The following NR3C2 variants were observed in gnomAD, a reference collection of about 807,000 sequenced individuals.
NR3C2 encodes the protein nuclear receptor subfamily 3 group C member 2, also known as mineralocorticoid receptor.
NR3C2 carries 15 observed loss-of-function variants against 86.4 expected under a neutral mutation model. That is an observed-to-expected ratio of 0.17 (90% CI 0.12 to 0.27). NR3C2 has a LOEUF of 0.27. NR3C2 is among the 10% of genes least tolerant of loss of function. NR3C2 has a pLI of 1.00. For missense variants in NR3C2, 960 were observed against 1,195.6 expected (o/e 0.80, Z 2.91); for synonymous variants, 458 against 450.5 (o/e 1.02, Z -0.21).
chr4:148,143,947 C>CAA (rs67177081), intron 6 of NR3C2, among the ~76,000 whole-genome samples: 1,426 of 63,454 alleles, frequency 0.022, 66 homozygotes, highest in African/African-American at 0.051. Context: ...AACTCTGTCT[C>CAA]AAAAAAAAAA....
At chr4:148,189,672 TTTTTTAGTTACCATTTCAGTC>T in intron 4 of NR3C2, among the ~76,000 whole-genome samples, 1 of 152,128 alleles carries the variant, frequency 6.6e-6, no homozygotes. Flanking sequence ...TTGTTGACAA[TTTTTTAGTTACCATTTCAGTC>T]TTTTTAGTTA....
intron 6 of NR3C2, among the ~76,000 whole-genome samples, chr4:148,134,643 CTTTTTTTTTT>C (rs1175816621): frequency 7.4e-5 from 3 of 40,810 alleles, no homozygotes; most frequent in Non-Finnish European, 1.4e-4. Context: ...CTCTCTCTCT[CTTTTTTTTTT>C]TTTTTTTTTT....
At chr4:148,415,200 T>C (rs1047725887) in intron 2 of NR3C2, among the ~76,000 whole-genome samples, 20 of 152,296 alleles carry the variant, frequency 1.3e-4, no homozygotes, top group African/African-American at 4.6e-4. Flanking sequence ...CAAAGGATTG[T>C]CGATCTAACC....
chr4:148,140,379 G>A (rs1210817719), intron 6 of NR3C2, among the ~76,000 whole-genome samples: 2 of 152,006 alleles, frequency 1.3e-5, no homozygotes, highest in Non-Finnish European at 2.9e-5. Context: ...TAAAAAATAC[G>A]AAGAAATTAG....
At chr4:148,152,660 T>C in intron 5 of NR3C2, 47 bp from the exon 6 acceptor site, 1 of 1,593,490 alleles carries the variant, frequency 6.3e-7, no homozygotes, top group Non-Finnish European at 8.6e-7. Flanking sequence ...AGCATTTAAG[T>C]ACATTCCAGG....
At chr4:148,305,553 A>C (rs1742573243) in intron 2 of NR3C2, among the ~76,000 whole-genome samples, 1 of 151,948 alleles carries the variant, frequency 6.6e-6, no homozygotes, top group Admixed American at 6.6e-5. Flanking sequence ...AAAAAAAAAA[A>C]AAAAAATCAC....
In NR3C2 at chr4:148,225,639, GC is replaced by G. The variant is rs1405979584; in HGVS notation, c.1898-30778del. Among the ~76,000 whole-genome samples the G allele has an allele frequency of 3.3e-5, 5 of 152,048 alleles. No homozygotes were observed. The East Asian group carries it at 7.7e-4, about 23-fold the overall frequency. On this transcript the variant is annotated intron_variant, in intron 3 of 8. Coordinates refer to ENST00000358102, the MANE Select transcript of NR3C2 (RefSeq NM_000901.5). ...TTTGAATAATTTTGAAATAATTAGAGCTTTTTTGAAAAGAAAAATCTCAATA... is the reference window on the plus strand; with the variant it reads ...TTTGAATAATTTTGAAATAATTAGAGTTTTTTGAAAAGAAAAATCTCAATA...
At chr4:148,230,187 TTTTG>T (rs1285673056) in intron 3 of NR3C2, among the ~76,000 whole-genome samples, 1 of 151,966 alleles carries the variant, frequency 6.6e-6, no homozygotes, top group Non-Finnish European at 1.5e-5. Context: ...AGAACGCACT[TTTTG>T]TTTGTTTGTT....
At chr4:148,284,066 T>C (rs1266124357) in intron 2 of NR3C2, among the ~76,000 whole-genome samples, 84 of 152,284 alleles carry the variant, frequency 5.5e-4, no homozygotes, top group Non-Finnish European at 2.5e-4. Flanking sequence ...AAAGAGACAC[T>C]GCAACAGCAA....
chr4:148,277,097 A>C (rs1740997915), intron 2 of NR3C2, among the ~76,000 whole-genome samples: 1 of 152,230 alleles, frequency 6.6e-6, no homozygotes. Flanking sequence ...TTTAAAAATA[A>C]AATATTTTAC....
chr4:148,385,860 C>A (rs1747239686), intron 2 of NR3C2, among the ~76,000 whole-genome samples: 1 of 152,158 alleles, frequency 6.6e-6, no homozygotes, highest in East Asian at 1.9e-4. Flanking sequence ...TCCTTCCCAT[C>A]ATTACTCAGG....
intron 2 of NR3C2, among the ~76,000 whole-genome samples, chr4:148,347,065 C>G (rs1745033842): frequency 2.0e-5 from 3 of 152,074 alleles, no homozygotes; most frequent in African/African-American, 7.2e-5. Context: ...ACCTAAGGGT[C>G]AAATTCTGCT....
intron 2 of NR3C2, among the ~76,000 whole-genome samples, chr4:148,363,506 C>CTTTTTTTTTTTTTTTTTTTTTTTT (rs58978966): frequency 5.4e-5 from 6 of 110,760 alleles, no homozygotes; most frequent in African/African-American, 1.7e-4. Flanking sequence ...TCATAGATCT[C>CTTTTTTTTTTTTTTTTTTTTTTTT]TTTTTTTTTT....
At chr4:148,404,027 T>C (rs545633541) in intron 2 of NR3C2, among the ~76,000 whole-genome samples, 11 of 152,242 alleles carry the variant, frequency 7.2e-5, no homozygotes, top group Admixed American at 4.6e-4. Flanking sequence ...TAACATGTCA[T>C]AAGTTACACA....
chr4:148,109,420 A>G (rs1223131866), intron 8 of NR3C2, among the ~76,000 whole-genome samples: 1 of 152,198 alleles, frequency 6.6e-6, no homozygotes, highest in Non-Finnish European at 1.5e-5. Flanking sequence ...ATCGATTACT[A>G]AGGACAGACT....
chr4:148,088,428 C>T (rs1412319705), intron 8 of NR3C2, among the ~76,000 whole-genome samples: 5 of 152,172 alleles, frequency 3.3e-5, no homozygotes, highest in East Asian at 1.9e-4. Flanking sequence ...ATGTTTATTG[C>T]GGCACTGTTC....
intron 2 of NR3C2, among the ~76,000 whole-genome samples, chr4:148,328,907 TG>T (rs1366463683): frequency 1.3e-5 from 2 of 152,246 alleles, no homozygotes; most frequent in Non-Finnish European, 2.9e-5. Flanking sequence ...GCAGGTTCAC[TG>T]AGTCTCCAAA....
intron 2 of NR3C2, among the ~76,000 whole-genome samples, chr4:148,304,352 T>TTTTTTA (rs141707087): frequency 5.4e-5 from 7 of 130,104 alleles, no homozygotes; most frequent in South Asian, 5.1e-4. Context: ...TTTTTTTTTT[T>TTTTTTA]AACCAGTTGG....
At chr4:148,338,142 T>A (rs965385781) in intron 2 of NR3C2, among the ~76,000 whole-genome samples, 1 of 152,164 alleles carries the variant, frequency 6.6e-6, no homozygotes, top group Non-Finnish European at 1.5e-5. Flanking sequence ...ATTGTTATTA[T>A]TTAGGAATAG....
Sources: allele counts gnomAD v4.1 joint callset (sites outside exome capture counted in the v4.1 genomes callset), GRCh38; gene constraint gnomAD v4.1.1; transcripts MANE v1.5; gene names NCBI Gene and HGNC (gene_info 2026-07-23, HGNC 2026-07-21).